The following RAB6B variants were observed in gnomAD, a reference collection of about 807,000 sequenced individuals.
RAB6B encodes the protein ras-related protein Rab-6B.
Under a neutral mutation model 31.2 loss-of-function variants are expected in RAB6B, and 7 were observed. The ratio of observed to expected loss-of-function variants is 0.22; its 90% CI spans 0.13 to 0.42. RAB6B has a LOEUF of 0.42. Among genes scored for constraint, RAB6B ranks in the 10% least tolerant of loss-of-function variants. The pLI, the probability that RAB6B is intolerant of heterozygous loss-of-function variation, is 1.00. For synonymous variants in RAB6B, 105 were observed against 104.9 expected, an observed-to-expected ratio of 1.00 and a Z score of -0.01; for missense variants, 149 against 280.6, an observed-to-expected ratio of 0.53 and a Z score of 3.35.
At chr3:133,868,439 T>G (rs1266577026) in intron 1 of RAB6B, among the ~76,000 whole-genome samples, 2 of 152,180 alleles carry the variant, frequency 1.3e-5, no homozygotes, top group East Asian at 3.8e-4. Context: ...TCCCCCTGCC[T>G]CGCAACAGCT....
intron 1 of RAB6B, chr3:133,894,849 C>G (rs1936684845): frequency 6.5e-6 from 1 of 153,480 alleles, no homozygotes; most frequent in South Asian, 2.1e-4. Context: ...TCGCTCTTTT[C>G]TCCCCGGTGG....
At chr3:133,835,099 A>C (rs1935713746) in intron 6 of RAB6B, among the ~76,000 whole-genome samples, 1 of 152,210 alleles carries the variant, frequency 6.6e-6, no homozygotes, top group South Asian at 2.1e-4. Context: ...GTCCGGCGCC[A>C]AGGCAGCGAA....
chr3:133,862,721 C>T (rs1033070822), intron 2 of RAB6B, among the ~76,000 whole-genome samples: 3 of 152,062 alleles, frequency 2.0e-5, no homozygotes, highest in South Asian at 2.1e-4. Flanking sequence ...GGAGGTAGGG[C>T]GAGATTTTGA....
chr3:133,868,402 G>C (rs1234633488), intron 1 of RAB6B, among the ~76,000 whole-genome samples: 3 of 152,186 alleles, frequency 2.0e-5, no homozygotes, highest in Non-Finnish European at 2.9e-5. Context: ...AGCCTGGCAG[G>C]TGGAAGAGCC....
chr3:133,839,628 A>G lies in RAB6B; in HGVS notation c.290-11T>C, dbSNP rs41272333. 5.1e-3 allele frequency: 8,188 copies of G among 1,599,018 alleles called. 33 individuals carry two copies. Among genetic ancestry groups the G allele is most frequent in the Non-Finnish European group, 6.3e-3 (7,398 of 1,166,234 alleles). ...GGAAGGAGTTGAGATCTGGAGGCAG[A>G]AAGTGAGGATAAACTGAAAGCCAGG... On this transcript the variant is annotated splice_polypyrimidine_tract_variant and intron_variant, in intron 4 of 7. Transcript: ENST00000285208.
intron 2 of RAB6B, among the ~76,000 whole-genome samples, chr3:133,847,730 A>G (rs767470604): frequency 6.6e-6 from 1 of 152,206 alleles, no homozygotes; most frequent in Non-Finnish European, 1.5e-5. Flanking sequence ...TATGGTCACC[A>G]ATAGCCATTT....
rs527316917 is a variant in RAB6B, at chr3:133,838,407, G to A, written c.402-148C>T. The stretch of plus-strand genomic sequence containing the variant: ...GGCTCTGATCCCAAGGGTCCCTCCC[G>A]GGCACCAACCACAGTCTCGCTAGCA... On this transcript the variant is annotated intron_variant, in intron 5 of 7. Transcript: ENST00000285208. 7.9e-5 allele frequency: 57 copies of A among 718,632 alleles called. 1 individual carries two copies. The highest frequency in any genetic ancestry group is 2.7e-4 in the Middle Eastern group (1 of 3,752). 44.5% of individuals were successfully genotyped at this position (718,632 alleles called of 1,614,324 possible). A position where few individuals can be genotyped will look rare whatever the true frequency, so the allele number is the denominator to read the frequency against.
At chr3:133,847,913 C>T (rs1344335447) in intron 2 of RAB6B, among the ~76,000 whole-genome samples, 1 of 152,168 alleles carries the variant, frequency 6.6e-6, no homozygotes, top group African/African-American at 2.4e-5. Flanking sequence ...GGATCTTCTT[C>T]CTTTCTTTCC....
Position 133,828,576 on chromosome 3 carries a change from C to A in RAB6B, c.*212G>T, listed in dbSNP as rs1311115898. 9 of 629,644 alleles carry A rather than the reference C, an allele frequency of 1.4e-5. No individual in the cohort carries two copies. In the East Asian group the frequency reaches 2.2e-4, roughly 15 times the overall value. The allele number at this position is 629,644 out of a possible 1,614,324, so 39.0% of individuals were successfully genotyped here. On this transcript the variant is annotated 3_prime_UTR_variant, in exon 8 of 8. Coordinates refer to ENST00000285208, the MANE Select transcript of RAB6B (RefSeq NM_016577.4). The stretch of plus-strand genomic sequence containing the variant: ...AAAGTACAATATATTACAACCAAAC[C>A]AAAAAATAGTTGTTTAAGTAACAGC...
At chr3:133,880,430 C>G (rs1292842405) in intron 1 of RAB6B, among the ~76,000 whole-genome samples, 1 of 152,252 alleles carries the variant, frequency 6.6e-6, no homozygotes, top group Admixed American at 6.5e-5. Context: ...TAACACCCAA[C>G]AGTGATGACA....
chr3:133,832,557 CA>C (rs1935670156), intron 7 of RAB6B, among the ~76,000 whole-genome samples: 1 of 152,240 alleles, frequency 6.6e-6, no homozygotes, highest in African/African-American at 2.4e-5. Context: ...CCAAAGCACA[CA>C]CCTTCAAAAC....
rs1215552600 is a variant in RAB6B, at chr3:133,825,681, C to CT, written c.*3106dup. ...TAAATAGGCTGTTTGCTTTTTCCAT[C>CT]TTACACTCAACTTTCCTGATGCCTG... On this transcript the variant is annotated 3_prime_UTR_variant, in exon 8 of 8. Coordinates refer to ENST00000285208, the MANE Select transcript of RAB6B (RefSeq NM_016577.4). 6.6e-6 allele frequency: 1 copy of CT among 152,192 alleles called. No homozygotes were observed. Among genetic ancestry groups the CT allele is most frequent in the Non-Finnish European group, 1.5e-5 (1 of 68,034 alleles). The allele number at this position is 152,192 out of a possible 1,614,324, so 9.4% of individuals were successfully genotyped here.
chr3:133,856,974 G>A (rs566297780), intron 2 of RAB6B, among the ~76,000 whole-genome samples: 2 of 152,306 alleles, frequency 1.3e-5, no homozygotes, highest in African/African-American at 2.4e-5. Context: ...TGTTGCTAGA[G>A]TTAACCGAGG....
At position 133,827,137 on chromosome 3, in the gene RAB6B, T is replaced by TATC. The variant is rs1935577820; in HGVS notation, c.*1648_*1650dup. 4 of 152,568 alleles carry TATC rather than the reference T, an allele frequency of 2.6e-5. No individual in the cohort carries two copies. In the South Asian group the frequency reaches 8.3e-4, roughly 32 times the overall value. The allele number at this position is 152,568 out of a possible 1,614,324, so 9.5% of individuals were successfully genotyped here. On this transcript the variant is annotated 3_prime_UTR_variant, in exon 8 of 8. Transcript: ENST00000285208. ...GTGTGTGGCAGGCCCACTGCACAAA[T>TATC]ATCAGTCCTGCCAGATTCTGCTGCA...
intron 2 of RAB6B, among the ~76,000 whole-genome samples, chr3:133,844,374 C>T (rs1935878900): frequency 6.6e-6 from 1 of 152,198 alleles, no homozygotes; most frequent in Admixed American, 6.5e-5. Flanking sequence ...CCTTAACTGT[C>T]CACTCTCTCA....
chr3:133,824,691 C>T lies in RAB6B; in HGVS notation c.*4097G>A, dbSNP rs969037854. On this transcript the variant is annotated 3_prime_UTR_variant, in exon 8 of 8. Transcript: ENST00000285208. ...GCCCATGACAATCAATCAGAGTAGA[C>T]TTGGGGACTGGCCCTTGTGCAGTAG... 1 of 152,200 alleles carries T rather than the reference C, an allele frequency of 6.6e-6. No individual in the cohort carries two copies. Among genetic ancestry groups the T allele is most frequent in the Non-Finnish European group, 1.5e-5 (1 of 68,062 alleles). 9.4% of individuals were successfully genotyped at this position (152,200 alleles called of 1,614,324 possible). A position where few individuals can be genotyped will look rare whatever the true frequency, so the allele number is the denominator to read the frequency against.
intron 1 of RAB6B, among the ~76,000 whole-genome samples, chr3:133,868,394 C>G (rs7650589): frequency 0.65 from 99,588 of 152,076 alleles, 32,965 homozygotes; most frequent in African/African-American, 0.71. Flanking sequence ...AGGCCTGCAG[C>G]CTGGCAGGTG....
At chr3:133,844,451 G>T (rs762413571) in intron 2 of RAB6B, among the ~76,000 whole-genome samples, 1 of 152,206 alleles carries the variant, frequency 6.6e-6, no homozygotes, top group African/African-American at 2.4e-5. Flanking sequence ...CTATAGCTGT[G>T]GAGATGGCGC....
At chr3:133,865,507 G>C (rs1321946787) in intron 1 of RAB6B, among the ~76,000 whole-genome samples, 1 of 152,256 alleles carries the variant, frequency 6.6e-6, no homozygotes, top group Non-Finnish European at 1.5e-5. Context: ...GGGGAAGAGG[G>C]CAGTCAAGGG....
Sources: gnomAD v4.1 joint callset for allele counts (sites outside exome capture counted in the v4.1 genomes callset) on GRCh38, gnomAD v4.1.1 for gene constraint, MANE v1.5 for transcripts, NCBI Gene and HGNC (gene_info 2026-07-23, HGNC 2026-07-21) for gene names.